CHSY3: variants seen among roughly 807,000 people sequenced by gnomAD.
CHSY3 encodes N-acetylgalactosaminyl-proteoglycan 3-beta-glucuronosyltransferase 3.
CHSY3 carries 35 observed loss-of-function variants against 67.2 expected under a neutral mutation model. The observed-to-expected ratio is 0.52, with a 90% CI of 0.40 to 0.69. CHSY3 has a LOEUF of 0.69. CHSY3 is among the 30% of genes least tolerant of loss of function. CHSY3 has a pLI of 0.00. For synonymous variants in CHSY3, 474 were observed against 434.7 expected (o/e 1.09, Z -1.12); for missense variants, 1,069 against 1,138.5 (o/e 0.94, Z 0.88).
chr5:130,028,972 C>G lies in CHSY3; in HGVS notation c.1086+120612C>G, dbSNP rs114107940. Among the ~76,000 whole-genome samples, 1,391 of 152,126 alleles carry G rather than the reference C, an allele frequency of 9.1e-3. 18 individuals carry two copies. The highest frequency in any genetic ancestry group is 0.031 in the African/African-American group (1,288 of 41,508). On this transcript the variant is annotated intron_variant, in intron 2 of 2. Coordinates refer to ENST00000305031, the MANE Select transcript of CHSY3 (RefSeq NM_175856.5). ...CTCTCTCTTCTTTTTCCCTCCTCCT[C>G]TCTGTCTGTCCTTCTATCTTTGCTT... is the stretch of plus-strand genomic sequence containing the variant.
intron 2 of CHSY3, among the ~76,000 whole-genome samples, chr5:129,965,750 A>T (rs980895057): frequency 2.6e-5 from 4 of 151,934 alleles, no homozygotes; most frequent in Non-Finnish European, 5.9e-5. Flanking sequence ...TATTCTTTGC[A>T]GCAATAGGAA....
chr5:130,043,182 G>A (rs772059802), intron 2 of CHSY3, among the ~76,000 whole-genome samples: 1 of 151,626 alleles, frequency 6.6e-6, no homozygotes, highest in Non-Finnish European at 1.5e-5. Context: ...TACTTTTGTT[G>A]TTTTGTTGTT....
At chr5:130,114,989 T>C (rs947744803) in intron 2 of CHSY3, among the ~76,000 whole-genome samples, 5 of 152,218 alleles carry the variant, frequency 3.3e-5, no homozygotes, top group African/African-American at 9.6e-5. Context: ...GCTATCACTT[T>C]GGAATGTGCA....
chr5:130,020,450 TATATATATA>T lies in CHSY3; in HGVS notation c.1086+112091_1086+112099del, dbSNP rs1313065193. 6.7e-3 allele frequency among the ~76,000 whole-genome samples: 28 copies of T among 4,158 alleles called. No homozygotes were observed. The South Asian group carries it at 0.079, about 12-fold the overall frequency. 2.7% of individuals were successfully genotyped at this position (4,158 alleles called of 152,430 possible). On this transcript the variant is annotated intron_variant, in intron 2 of 2. Coordinates refer to ENST00000305031, the MANE Select transcript of CHSY3 (RefSeq NM_175856.5). ...ATATATATATATATATATATATATA[TATATATATA>T]TATTTTTTTTTTTTTTTTTTCCTCT... is the stretch of plus-strand genomic sequence containing the variant.
intron 2 of CHSY3, among the ~76,000 whole-genome samples, chr5:130,143,804 A>ATATGTG (rs1356600752): frequency 8.0e-5 from 3 of 37,378 alleles, no homozygotes; most frequent in Non-Finnish European, 1.6e-4. Context: ...ATATATATAT[A>ATATGTG]TGTGTGTATA....
chr5:130,079,511 G>A (rs1031707076), intron 2 of CHSY3, among the ~76,000 whole-genome samples: 7 of 152,068 alleles, frequency 4.6e-5, no homozygotes, highest in African/African-American at 1.7e-4. Flanking sequence ...TGATTTCAGT[G>A]AATGCTGTCG....
At chr5:129,921,094 A>G (rs1327358870) in intron 2 of CHSY3, among the ~76,000 whole-genome samples, 2 of 152,220 alleles carry the variant, frequency 1.3e-5, no homozygotes, top group African/African-American at 4.8e-5. Flanking sequence ...TGTTAAGATT[A>G]TAGGCGTGAA....
At chr5:130,078,492 T>G (rs2149685425) in intron 2 of CHSY3, among the ~76,000 whole-genome samples, 1 of 152,262 alleles carries the variant, frequency 6.6e-6, no homozygotes, top group Non-Finnish European at 1.5e-5. Flanking sequence ...GGAATCATTT[T>G]TAAAATATTT....
chr5:129,937,070 C>A (rs1374220475), intron 2 of CHSY3, among the ~76,000 whole-genome samples: 1 of 152,182 alleles, frequency 6.6e-6, no homozygotes, highest in Non-Finnish European at 1.5e-5. Flanking sequence ...GTCTCATCCA[C>A]TTGAAGGTAA....
intron 2 of CHSY3, among the ~76,000 whole-genome samples, chr5:129,986,843 A>G (rs57272205): frequency 0.014 from 2,150 of 152,132 alleles, 49 homozygotes; most frequent in African/African-American, 0.049. Flanking sequence ...GGGTTTTGCC[A>G]TCTTTCCCAA....
At chr5:130,119,098 C>A (rs1000396913) in intron 2 of CHSY3, among the ~76,000 whole-genome samples, 1 of 152,132 alleles carries the variant, frequency 6.6e-6, no homozygotes, top group South Asian at 2.1e-4. Context: ...GTCATTCTAC[C>A]TTAACCCCTA....
chr5:130,045,688 G>A (rs1765127005), intron 2 of CHSY3, among the ~76,000 whole-genome samples: 1 of 152,090 alleles, frequency 6.6e-6, no homozygotes, highest in South Asian at 2.1e-4. Context: ...ACTGTTTCTG[G>A]TGAAGGATGC....
At chr5:129,908,415 A>G in intron 2 of CHSY3, 55 bp downstream of exon 2, 2 of 1,581,392 alleles carry the variant, frequency 1.3e-6, no homozygotes, top group Non-Finnish European at 1.7e-6. Context: ...ATGCCATTTT[A>G]TAATCTAGGG....
chr5:130,016,367 A>G (rs186551848), intron 2 of CHSY3, among the ~76,000 whole-genome samples: 153 of 152,330 alleles, frequency 1.0e-3, no homozygotes, highest in Middle Eastern at 3.4e-3. Flanking sequence ...GATTTTGTCC[A>G]TCATTTTCAA....
intron 2 of CHSY3, among the ~76,000 whole-genome samples, chr5:130,128,803 C>T (rs1426799289): frequency 6.6e-6 from 1 of 152,002 alleles, no homozygotes; most frequent in African/African-American, 2.4e-5. Context: ...GAATTGTATA[C>T]ATTAAATATG....
chr5:130,051,354 T>C (rs1306326796), intron 2 of CHSY3, among the ~76,000 whole-genome samples: 1 of 152,112 alleles, frequency 6.6e-6, no homozygotes, highest in Non-Finnish European at 1.5e-5. Flanking sequence ...CTAAAGTTCT[T>C]TAAAGACTGC....
intron 2 of CHSY3, among the ~76,000 whole-genome samples, chr5:130,137,593 A>T (rs561063097): frequency 6.6e-6 from 1 of 152,244 alleles, no homozygotes; most frequent in South Asian, 2.1e-4. Context: ...TCATTAAAAC[A>T]TATACTCTCA....
intron 2 of CHSY3, among the ~76,000 whole-genome samples, chr5:130,026,931 A>G (rs998723487): frequency 2.0e-5 from 3 of 152,144 alleles, no homozygotes; most frequent in Non-Finnish European, 2.9e-5. Flanking sequence ...ACATAAGTAC[A>G]TAGGTAAATC....
intron 2 of CHSY3, among the ~76,000 whole-genome samples, chr5:130,178,253 A>ATATATATATTT (rs1205782386): frequency 6.8e-4 from 31 of 45,914 alleles, no homozygotes; most frequent in African/African-American, 2.6e-3. Context: ...ATATATATAT[A>ATATATATATTT]TTTTTTTTTT....
Sources: gnomAD v4.1 joint callset for allele counts (sites outside exome capture counted in the v4.1 genomes callset) on GRCh38, gnomAD v4.1.1 for gene constraint, MANE v1.5 for transcripts, NCBI Gene and HGNC (gene_info 2026-07-23, HGNC 2026-07-21) for gene names.